The following FRMD4B variants were observed in gnomAD, a reference collection of about 807,000 sequenced individuals.
The protein encoded by FRMD4B is FERM domain-containing protein 4B.
Under a neutral mutation model 141.5 loss-of-function variants are expected in FRMD4B, and 74 were observed. The observed-to-expected ratio is 0.52, with a 90% CI of 0.43 to 0.63. FRMD4B has a LOEUF of 0.63. Among genes scored for constraint, FRMD4B ranks in the 30% least tolerant of loss-of-function variants. FRMD4B has a pLI of 0.00. For synonymous variants in FRMD4B, 506 were observed against 467.9 expected, an observed-to-expected ratio of 1.08 and a Z score of -1.05; for missense variants, 1,366 against 1,253.4, an observed-to-expected ratio of 1.09 and a Z score of -1.36.
At chr3:69,441,094 C>T (rs1158984381) in intron 1 of FRMD4B, among the ~76,000 whole-genome samples, 3 of 152,122 alleles carry the variant, frequency 2.0e-5, no homozygotes, top group Admixed American at 1.3e-4. Context: ...GATAGCAAAT[C>T]ATCCCTCCCT....
chr3:69,256,638 G>A (rs889208523), intron 5 of FRMD4B, among the ~76,000 whole-genome samples: 2 of 152,120 alleles, frequency 1.3e-5, no homozygotes, highest in Non-Finnish European at 2.9e-5. Context: ...TGGTTTTTAT[G>A]CAATTAGGCT....
chr3:69,250,461 G>A (rs2093456803), intron 5 of FRMD4B, among the ~76,000 whole-genome samples: 1 of 152,134 alleles, frequency 6.6e-6, no homozygotes, highest in South Asian at 2.1e-4. Flanking sequence ...GCACTCTGCA[G>A]AATTTCCTAG....
At chr3:69,390,641 C>T (rs1246462175), upstream of FRMD4B, among the ~76,000 whole-genome samples, 1 of 151,984 alleles carries the variant, frequency 6.6e-6, no homozygotes, top group Non-Finnish European at 1.5e-5. Flanking sequence ...GCCTGTAATC[C>T]CAGCACTTTG....
chr3:69,478,478 G>A (rs2106971493), intron 1 of FRMD4B, among the ~76,000 whole-genome samples: 1 of 152,298 alleles, frequency 6.6e-6, no homozygotes, highest in Middle Eastern at 3.4e-3. Context: ...TAGTCATTCA[G>A]GAGCAGGTTG....
chr3:69,524,605 T>C (rs968792122), intron 1 of FRMD4B, among the ~76,000 whole-genome samples: 1 of 152,062 alleles, frequency 6.6e-6, no homozygotes, highest in Non-Finnish European at 1.5e-5. Flanking sequence ...CACACAAAGG[T>C]AGGGGAACCC....
intron 2 of FRMD4B, among the ~76,000 whole-genome samples, chr3:69,395,519 C>A (rs1450828348): frequency 6.6e-6 from 1 of 152,074 alleles, no homozygotes; most frequent in Admixed American, 6.6e-5. Context: ...AACTATTTTC[C>A]CATTATTGCT....
At chr3:69,364,635 C>G (rs1301499028) in intron 1 of FRMD4B, among the ~76,000 whole-genome samples, 2 of 152,174 alleles carry the variant, frequency 1.3e-5, no homozygotes, top group South Asian at 2.1e-4. Context: ...TTTCAATCAT[C>G]TCCTGAGTAA....
At chr3:69,369,538 G>GAA (rs11403330) in intron 1 of FRMD4B, among the ~76,000 whole-genome samples, 2 of 151,342 alleles carry the variant, frequency 1.3e-5, no homozygotes, top group South Asian at 4.2e-4. Flanking sequence ...AACATCTCAA[G>GAA]AAAAAAAAGA....
intron 11 of FRMD4B, among the ~76,000 whole-genome samples, chr3:69,210,477 T>A (rs771858867): frequency 3.3e-5 from 5 of 152,172 alleles, no homozygotes; most frequent in Non-Finnish European, 5.9e-5. Flanking sequence ...TCTTACCATT[T>A]GGAATTCAGT....
intron 11 of FRMD4B, among the ~76,000 whole-genome samples, chr3:69,209,175 A>C (rs2093052783): frequency 6.6e-6 from 1 of 152,012 alleles, no homozygotes. Context: ...TCTTGAGTTA[A>C]AGCTTTGCCC....
intron 1 of FRMD4B, among the ~76,000 whole-genome samples, chr3:69,455,147 T>TA (rs1000295704): frequency 2.0e-5 from 3 of 152,156 alleles, no homozygotes; most frequent in African/African-American, 4.8e-5. Flanking sequence ...CAGCTCTCTG[T>TA]AAAACAGACC....
chr3:69,189,167 A>C (rs886577866), intron 18 of FRMD4B, among the ~76,000 whole-genome samples: 2 of 141,140 alleles, frequency 1.4e-5, no homozygotes, highest in Admixed American at 7.6e-5. Context: ...GGTTGCAGTG[A>C]GCTGAGATCG....
Position 69,472,925 on chromosome 3 carries a change from C to CTTTTTTTTTTTTTTTTTT in FRMD4B, c.-128-40165_-128-40164insAAAAAAAAAAAAAAAAAA, listed in dbSNP as rs796453101. Among the ~76,000 whole-genome samples, 61 of 90,894 alleles carry CTTTTTTTTTTTTTTTTTT rather than the reference C, an allele frequency of 6.7e-4. 5 individuals carry two copies. Among genetic ancestry groups the CTTTTTTTTTTTTTTTTTT allele is most frequent in the African/African-American group, 9.6e-4 (20 of 20,754 alleles). 59.6% of individuals were successfully genotyped at this position (90,894 alleles called of 152,430 possible). A position where few individuals can be genotyped will look rare whatever the true frequency, so the allele number is the denominator to read the frequency against. On this transcript the variant is annotated intron_variant, in intron 1 of 5. Coordinates refer to the FRMD4B transcript ENST00000459638. The stretch of plus-strand genomic sequence containing the variant: ...TATCCAAGGCTTCAAGTGAGTCTTT[C>CTTTTTTTTTTTTTTTTTT]TTTTTTTTTTTTCTTTTTTTTTTTT...
rs1050616196 is a variant in FRMD4B, at chr3:69,198,580, G to A, written c.953+118C>T. The stretch of plus-strand genomic sequence containing the variant: ...ATTTGACCCAGCAATTCCATTCCTA[G>A]GTATACACCCAAGAGAAATGAAAAC... On this transcript the variant is annotated intron_variant, in intron 12 of 22. Coordinates refer to ENST00000398540, the MANE Select transcript of FRMD4B (RefSeq NM_015123.3). The A allele has an allele frequency of 4.6e-6, 3 of 647,522 alleles. No individual in the cohort carries two copies. The South Asian group carries it at 5.6e-5, about 12-fold the overall frequency. The allele number at this position is 647,522 out of a possible 1,614,324, so 40.1% of individuals were successfully genotyped here. A position where few individuals can be genotyped will look rare whatever the true frequency, so the allele number is the denominator to read the frequency against.
At chr3:69,465,202 C>G (rs940476775) in intron 1 of FRMD4B, among the ~76,000 whole-genome samples, 2 of 151,974 alleles carry the variant, frequency 1.3e-5, no homozygotes, top group Non-Finnish European at 2.9e-5. Context: ...CACCTGTAGT[C>G]CCAGCTACTT....
At chr3:69,487,833 A>T (rs1706242341) in intron 1 of FRMD4B, among the ~76,000 whole-genome samples, 1 of 152,196 alleles carries the variant, frequency 6.6e-6, no homozygotes, top group Non-Finnish European at 1.5e-5. Flanking sequence ...GAAGATGAAT[A>T]CCCAGTATCT....
intron 5 of FRMD4B, among the ~76,000 whole-genome samples, chr3:69,268,992 G>A (rs369409943): frequency 8.6e-5 from 13 of 150,348 alleles, no homozygotes; most frequent in African/African-American, 3.0e-4. Context: ...GCAATGGGGC[G>A]ATCTTGGCTC....
chr3:69,298,739 G>A (rs1181597025), intron 4 of FRMD4B, among the ~76,000 whole-genome samples: 10 of 152,120 alleles, frequency 6.6e-5, no homozygotes, highest in African/African-American at 1.7e-4. Context: ...TTTGCTCAAT[G>A]CCACCTTCTT....
intron 11 of FRMD4B, among the ~76,000 whole-genome samples, chr3:69,211,749 T>A (rs1411670821): frequency 1.3e-5 from 2 of 152,170 alleles, no homozygotes; most frequent in Admixed American, 6.5e-5. Context: ...GTTTGCCAAT[T>A]TGACCTTCAT....
Sources: gnomAD v4.1 joint callset for allele counts (sites outside exome capture counted in the v4.1 genomes callset) on GRCh38, gnomAD v4.1.1 for gene constraint, MANE v1.5 for transcripts, NCBI Gene and HGNC (gene_info 2026-07-23, HGNC 2026-07-21) for gene names.